Variants in SGCZ observed in about 807,000 individuals in gnomAD.
SGCZ encodes sarcoglycan zeta, also known as zeta-sarcoglycan.
SGCZ carries 40 observed loss-of-function variants against 41.3 expected under a neutral mutation model. The observed-to-expected ratio is 0.97, with a 90% CI of 0.75 to 1.26. The LOEUF (loss-of-function observed/expected upper bound fraction) is 1.26, where lower values mean the gene tolerates loss of function less well. Ranked by LOEUF, SGCZ falls within the 50% of genes most tolerant of loss-of-function variation. The pLI is 0.00. For missense variants in SGCZ, 552 were observed against 369.8 expected, an observed-to-expected ratio of 1.49 and a Z score of -4.04; for synonymous variants, 206 against 137.5, an observed-to-expected ratio of 1.50 and a Z score of -3.49.
chr8:14,551,550 TA>T (rs1803847643), intron 2 of SGCZ, among the ~76,000 whole-genome samples: 3 of 9,558 alleles, frequency 3.1e-4, no homozygotes, highest in African/African-American at 1.3e-3. Flanking sequence ...ATAATATATA[TA>T]ATATATATTA....
At chr8:15,075,852 A>C (rs538609380) in intron 1 of SGCZ, among the ~76,000 whole-genome samples, 67 of 152,010 alleles carry the variant, frequency 4.4e-4, no homozygotes, top group African/African-American at 1.4e-3. Context: ...GCCTACCAAT[A>C]TTTTTCTAAA....
chr8:14,701,065 G>A (rs1010656589), intron 1 of SGCZ, among the ~76,000 whole-genome samples: 2 of 151,930 alleles, frequency 1.3e-5, no homozygotes, highest in African/African-American at 4.8e-5. Context: ...AAGAAAGTAG[G>A]AACTGGAGTG....
At chr8:14,290,462 T>C (rs905809079) in intron 3 of SGCZ, among the ~76,000 whole-genome samples, 3 of 151,944 alleles carry the variant, frequency 2.0e-5, no homozygotes, top group Admixed American at 2.0e-4. Flanking sequence ...ATATCCAAAA[T>C]ATATAAGAAA....
chr8:14,819,679 G>A (rs1802015577), intron 1 of SGCZ, among the ~76,000 whole-genome samples: 1 of 152,066 alleles, frequency 6.6e-6, no homozygotes, highest in African/African-American at 2.4e-5. Context: ...TAGTGGCTAA[G>A]GAACACACAA....
At chr8:15,076,483 T>C (rs1437956830) in intron 1 of SGCZ, among the ~76,000 whole-genome samples, 2 of 152,194 alleles carry the variant, frequency 1.3e-5, no homozygotes, top group Non-Finnish European at 2.9e-5. Flanking sequence ...GGAAGCAGAA[T>C]TCACTTTTCT....
chr8:14,983,791 T>G (rs1212989975), intron 1 of SGCZ, among the ~76,000 whole-genome samples: 3 of 152,166 alleles, frequency 2.0e-5, no homozygotes, highest in African/African-American at 7.2e-5. Context: ...GCCCTGGTTT[T>G]CTACTGCCTG....
intron 1 of SGCZ, among the ~76,000 whole-genome samples, chr8:14,837,284 T>C (rs7826689): frequency 0.033 from 5,028 of 152,208 alleles, 189 homozygotes; most frequent in African/African-American, 0.092. Context: ...AAGATCACAA[T>C]GAAGAAATGA....
chr8:14,702,827 A>AGATAGAT (rs1809194804), intron 1 of SGCZ, among the ~76,000 whole-genome samples: 2 of 51,104 alleles, frequency 3.9e-5, no homozygotes, highest in African/African-American at 1.1e-4. Flanking sequence ...ATAGATAGAT[A>AGATAGAT]GATAGATAGA....
At chr8:14,692,685 A>C (rs1051325780) in intron 1 of SGCZ, among the ~76,000 whole-genome samples, 1 of 152,202 alleles carries the variant, frequency 6.6e-6, no homozygotes, top group African/African-American at 2.4e-5. Context: ...GACCAACTGA[A>C]CATAACCTGC....
intron 1 of SGCZ, among the ~76,000 whole-genome samples, chr8:14,612,452 A>C (rs1482894679): frequency 6.6e-6 from 1 of 152,174 alleles, no homozygotes; most frequent in Non-Finnish European, 1.5e-5. Flanking sequence ...TGAGTCAATT[A>C]AGTTTCTTCC....
At chr8:14,207,411 A>G (rs7823318) in intron 4 of SGCZ, among the ~76,000 whole-genome samples, 9,938 of 152,238 alleles carry the variant, frequency 0.065, 472 homozygotes, top group Middle Eastern at 0.12. Context: ...CATCCATCTT[A>G]TTGCAAACAT....
intron 1 of SGCZ, among the ~76,000 whole-genome samples, chr8:14,726,409 A>T (rs1810059300): frequency 6.7e-6 from 1 of 149,420 alleles, no homozygotes; most frequent in Admixed American, 6.7e-5. Flanking sequence ...ACACAGGAAG[A>T]TTAAAAATAA....
chr8:14,827,877 C>T (rs1802389577), intron 1 of SGCZ, among the ~76,000 whole-genome samples: 1 of 152,012 alleles, frequency 6.6e-6, no homozygotes, highest in South Asian at 2.1e-4. Context: ...CACATATCAC[C>T]CGGTGTATTT....
chr8:15,165,506 T>A (rs959814988), intron 1 of SGCZ, among the ~76,000 whole-genome samples: 1 of 152,168 alleles, frequency 6.6e-6, no homozygotes, highest in African/African-American at 2.4e-5. Flanking sequence ...GGCTTTAGAT[T>A]TGATATGGCC....
rs977001754 is a variant in SGCZ at position 15,196,953 on chromosome 8, G to C, written c.39+40632C>G. Reference sequence around the variant, plus strand: ...CATGTGACCTCTCATTCTCTAGCAGGACAGACTGTATTATTTACATGGTGG... The same window carrying C: ...CATGTGACCTCTCATTCTCTAGCAGCACAGACTGTATTATTTACATGGTGG... On this transcript the variant is annotated intron_variant, in intron 1 of 7. Coordinates refer to ENST00000382080, the MANE Select transcript of SGCZ (RefSeq NM_139167.4). Among the ~76,000 whole-genome samples the C allele has an allele frequency of 5.3e-5, 8 of 152,130 alleles. 1 individual carries two copies. The highest frequency in any genetic ancestry group is 1.0e-4 in the Non-Finnish European group (7 of 68,020).
intron 1 of SGCZ, among the ~76,000 whole-genome samples, chr8:14,903,522 T>C (rs1030745786): frequency 6.6e-6 from 1 of 152,108 alleles, no homozygotes; most frequent in South Asian, 2.1e-4. Context: ...TTGAGTCTAT[T>C]TATTGAAGAA....
At chr8:14,450,673 A>T (rs540834240) in intron 2 of SGCZ, among the ~76,000 whole-genome samples, 1 of 152,310 alleles carries the variant, frequency 6.6e-6, no homozygotes, top group African/African-American at 2.4e-5. Context: ...TACCATAGTG[A>T]CCACTTAGAT....
At chr8:14,558,841 A>G (rs1804118902) in intron 1 of SGCZ, among the ~76,000 whole-genome samples, 1 of 152,106 alleles carries the variant, frequency 6.6e-6, no homozygotes, top group Admixed American at 6.5e-5. Flanking sequence ...GTCAATAAAA[A>G]ATATGATACA....
At chr8:15,100,115 G>A (rs1598187) in intron 1 of SGCZ, among the ~76,000 whole-genome samples, 95,796 of 151,928 alleles carry the variant, frequency 0.63, 31,143 homozygotes, top group Admixed American at 0.72. Context: ...CAACAAGACA[G>A]GAAAAGGAAA....
Sources: gnomAD v4.1 joint callset for allele counts (sites outside exome capture counted in the v4.1 genomes callset) on GRCh38, gnomAD v4.1.1 for gene constraint, MANE v1.5 for transcripts, NCBI Gene and HGNC (gene_info 2026-07-23, HGNC 2026-07-21) for gene names.